The following CDH26 variants were observed in gnomAD, a reference collection of about 807,000 sequenced individuals.
The protein encoded by CDH26 is cadherin 26.
A neutral mutation model predicts 90.3 loss-of-function variants in CDH26; 83 were observed. The ratio of observed to expected loss-of-function variants is 0.92; its 90% CI spans 0.77 to 1.10. The LOEUF (loss-of-function observed/expected upper bound fraction) is 1.10, where lower values mean the gene tolerates loss of function less well. CDH26 is among the 50% of genes least tolerant of loss of function. The pLI, the probability that CDH26 is intolerant of heterozygous loss-of-function variation, is 0.00. For synonymous variants in CDH26, 397 were observed against 396.3 expected (o/e 1.00, Z -0.02); for missense variants, 1,013 against 1,037.6 (o/e 0.98, Z 0.33).
intron 1 of CDH26, 33 bp from the exon 2 acceptor site, chr20:59,968,934 T>G (rs1370952582): frequency 8.4e-7 from 1 of 1,188,600 alleles, no homozygotes; most frequent in South Asian, 1.4e-5. Context: ...GTAAGAATAT[T>G]CTCTACTAAT....
intron 13 of CDH26, 109 bp downstream of exon 13, chr20:59,996,870 C>A: frequency 7.0e-7 from 1 of 1,428,886 alleles, no homozygotes; most frequent in Non-Finnish European, 9.6e-7. Context: ...TTCACTCTTA[C>A]CCGTGTTTCA....
At chr20:59,989,505 G>A (rs1417671877) in intron 9 of CDH26, among the ~76,000 whole-genome samples, 8 of 149,180 alleles carry the variant, frequency 5.4e-5, no homozygotes, top group Admixed American at 1.3e-4. Flanking sequence ...TCCGCAGTCC[G>A]GCCTGGGCGA....
intron 4 of CDH26, among the ~76,000 whole-genome samples, chr20:59,978,812 A>G (rs1014505544): frequency 4.6e-5 from 7 of 152,230 alleles, no homozygotes; most frequent in African/African-American, 1.7e-4. Context: ...GAGAAAATAT[A>G]ACATTCACTC....
chr20:60,028,595 A>G (rs2062016432), intron 7 of CDH26, among the ~76,000 whole-genome samples: 1 of 152,238 alleles, frequency 6.6e-6, no homozygotes, highest in Admixed American at 6.5e-5. Context: ...GGAGACATTC[A>G]GAGGGACACA....
chr20:59,961,514 G>A (rs1569019851), intron 1 of CDH26, among the ~76,000 whole-genome samples: 1 of 152,216 alleles, frequency 6.6e-6, no homozygotes, highest in East Asian at 1.9e-4. Flanking sequence ...GTAACATTCC[G>A]TTCCATTCCT....
chr20:60,016,761 GCCTTAATT>G (rs1415148872), downstream of CDH26, among the ~76,000 whole-genome samples: 1 of 151,948 alleles, frequency 6.6e-6, no homozygotes, highest in Non-Finnish European at 1.5e-5. Flanking sequence ...GTCATATATA[GCCTTAATT>G]TGTTGAGGCA....
intron 7 of CDH26, among the ~76,000 whole-genome samples, chr20:60,029,324 A>ATAGCACCTATAGTCAACAATG (rs1569072183): frequency 1.6e-4 from 18 of 109,362 alleles, no homozygotes; most frequent in South Asian, 3.0e-4. Flanking sequence ...AGTCAACAAC[A>ATAGCACCTATAGTCAACAATG]TAGCACCTAT....
At chr20:60,033,711 T>C (rs1443088802) in exon 9 of CDH26, 2 of 1,278,762 alleles carry the variant, frequency 1.6e-6, no homozygotes, top group East Asian at 5.7e-5. Flanking sequence ...GGGCCTGCTG[T>C]TGGCGGTGAG....
At chr20:59,982,785 C>A in intron 4 of CDH26, 138 bp from the exon 5 acceptor site, 1 of 918,724 alleles carries the variant, frequency 1.1e-6, no homozygotes, top group South Asian at 1.7e-5. Flanking sequence ...TAAATGAGGG[C>A]AGTCTGATTC....
At chr20:60,022,443 C>G (rs1286513170) in intron 7 of CDH26, among the ~76,000 whole-genome samples, 1 of 152,176 alleles carries the variant, frequency 6.6e-6, no homozygotes, top group Non-Finnish European at 1.5e-5. Context: ...TTTTGTGGAG[C>G]TTTTCATCTA....
intron 1 of CDH26, among the ~76,000 whole-genome samples, chr20:59,963,708 A>G (rs1034015010): frequency 2.2e-4 from 33 of 152,232 alleles, no homozygotes; most frequent in Middle Eastern, 3.4e-3. Flanking sequence ...AGATTTTCCT[A>G]GGACTGCCCT....
At chr20:59,989,604 G>A (rs1196637257) in intron 9 of CDH26, among the ~76,000 whole-genome samples, 1 of 151,590 alleles carries the variant, frequency 6.6e-6, no homozygotes, top group Admixed American at 6.6e-5. Flanking sequence ...CTCAGTCTCC[G>A]TGATGAAAAT....
At chr20:60,009,187 G>C (rs962689841) in intron 17 of CDH26, among the ~76,000 whole-genome samples, 1 of 152,190 alleles carries the variant, frequency 6.6e-6, no homozygotes, top group Admixed American at 6.5e-5. Flanking sequence ...AATGGTAAAG[G>C]CACGAGGGAC....
chr20:59,979,968 A>G (rs936089184), intron 4 of CDH26, among the ~76,000 whole-genome samples: 2 of 152,080 alleles, frequency 1.3e-5, no homozygotes, highest in Non-Finnish European at 2.9e-5. Context: ...CATTTATTGT[A>G]GGTAGATACC....
intron 16 of CDH26, among the ~76,000 whole-genome samples, chr20:60,003,897 C>T (rs1435438203): frequency 1.1e-4 from 16 of 152,140 alleles, no homozygotes; most frequent in Non-Finnish European, 7.4e-5. Flanking sequence ...CTGAAGCTGG[C>T]TTGAGGCAAA....
intron 9 of CDH26, among the ~76,000 whole-genome samples, chr20:59,990,247 C>T (rs2061512353): frequency 6.6e-6 from 1 of 152,202 alleles, no homozygotes; most frequent in Admixed American, 6.5e-5. Flanking sequence ...TTTGTTTACC[C>T]ACTCATCCAT....
chr20:60,006,391 G>A (rs767807001), intron 16 of CDH26, among the ~76,000 whole-genome samples: 1 of 152,244 alleles, frequency 6.6e-6, no homozygotes, highest in Non-Finnish European at 1.5e-5. Flanking sequence ...AGGAGGGGCA[G>A]TGTAGTTGAG....
In CDH26 at chr20:59,994,284, G is replaced by T. The variant is rs757102273; in HGVS notation, c.1461G>T (p.Met487Ile). 1 of 1,613,650 alleles carries T rather than the reference G, an allele frequency of 6.2e-7. No homozygotes were observed. Among genetic ancestry groups the T allele is most frequent in the Non-Finnish European group, 8.5e-7 (1 of 1,179,972 alleles). Reference sequence around the variant, plus strand: ...CGCAGACTGCTACAGGGACCCTAATGCTCTTCCTGTCTGACATCAATGACA... The same window carrying T: ...CGCAGACTGCTACAGGGACCCTAATTCTCTTCCTGTCTGACATCAATGACA... ...FPPQTATGTL[M>I]LFLSDINDNV... The change falls in exon 11 of 18, where the codon ATG (methionine) becomes ATT (isoleucine). Residue 487 changes from methionine (M) to isoleucine (I), a missense_variant. Coordinates refer to ENST00000348616, the MANE Select transcript of CDH26 (RefSeq NM_177980.4).
chr20:60,006,446 T>A (rs1007215063), intron 16 of CDH26, among the ~76,000 whole-genome samples: 1 of 152,208 alleles, frequency 6.6e-6, no homozygotes, highest in Non-Finnish European at 1.5e-5. Flanking sequence ...ACAACCCTCC[T>A]GGCCGGGCTC....
Sources: allele counts gnomAD v4.1 joint callset (sites outside exome capture counted in the v4.1 genomes callset), GRCh38; gene constraint gnomAD v4.1.1; transcripts MANE v1.5; gene names NCBI Gene and HGNC (gene_info 2026-07-23, HGNC 2026-07-21).